The following AFF3 variants were observed in gnomAD, a reference collection of about 807,000 sequenced individuals.
AFF3 encodes the protein ALF transcription elongation factor 3.
AFF3 carries 32 observed loss-of-function variants against 129.7 expected under a neutral mutation model. The observed-to-expected ratio is 0.25, with a 90% confidence interval of 0.19 to 0.33. The LOEUF (loss-of-function observed/expected upper bound fraction) is 0.33, where lower values mean the gene tolerates loss of function less well. Ranked by LOEUF, AFF3 falls within the 10% of genes least tolerant of loss-of-function variation. AFF3 has a pLI of 1.00. For synonymous variants in AFF3, 644 were observed against 635.4 expected, an observed-to-expected ratio of 1.01 and a Z score of -0.20; for missense variants, 1,373 against 1,592.0, an observed-to-expected ratio of 0.86 and a Z score of 2.34.
chr2:100,011,441 G>A, intron 4 of AFF3: 2 of 780,400 alleles, frequency 2.6e-6, no homozygotes, highest in Non-Finnish European at 2.4e-6. Context: ...GCAGGCAGGT[G>A]GTCATTGAGA....
chr2:100,134,548 A>G (rs1215450383), intron 1 of AFF3, among the ~76,000 whole-genome samples: 1 of 152,182 alleles, frequency 6.6e-6, no homozygotes, highest in African/African-American at 2.4e-5. Context: ...TTTATTTGGT[A>G]TCAGGCTTAC....
intron 11 of AFF3, among the ~76,000 whole-genome samples, chr2:99,681,969 C>T (rs1674576166): frequency 6.8e-6 from 1 of 146,160 alleles, no homozygotes; most frequent in African/African-American, 2.6e-5. Context: ...TGCAATGGTG[C>T]ATCTTGGCTC....
At chr2:99,763,345 C>T (rs1682769961) in intron 8 of AFF3, among the ~76,000 whole-genome samples, 1 of 152,152 alleles carries the variant, frequency 6.6e-6, no homozygotes, top group Admixed American at 6.5e-5. Context: ...AACAAACAAA[C>T]CTGTATAGTT....
At chr2:99,564,816 A>G (rs1675813384) in intron 20 of AFF3, among the ~76,000 whole-genome samples, 1 of 152,234 alleles carries the variant, frequency 6.6e-6, no homozygotes, top group African/African-American at 2.4e-5. Context: ...ATTAGACATT[A>G]TGTCAAGCAG....
intron 8 of AFF3, among the ~76,000 whole-genome samples, chr2:99,778,487 C>T (rs552088233): frequency 1.3e-5 from 2 of 152,316 alleles, no homozygotes; most frequent in South Asian, 4.1e-4. Context: ...CCATAACTGG[C>T]TGGGACAATG....
intron 8 of AFF3, among the ~76,000 whole-genome samples, chr2:99,753,955 G>A (rs17351500): frequency 0.021 from 3,182 of 152,238 alleles, 52 homozygotes; most frequent in Non-Finnish European, 0.03. Flanking sequence ...TCAAGTTTGC[G>A]TCCACAGTGG....
At chr2:99,603,301 C>T (rs776145444) in intron 13 of AFF3, among the ~76,000 whole-genome samples, 7 of 152,196 alleles carry the variant, frequency 4.6e-5, no homozygotes, top group Middle Eastern at 3.4e-3. Flanking sequence ...AAAAAAAGGA[C>T]GATTGAATTC....
At chr2:99,745,224 C>T (rs912351283) in intron 9 of AFF3, among the ~76,000 whole-genome samples, 1 of 151,966 alleles carries the variant, frequency 6.6e-6, no homozygotes, top group Non-Finnish European at 1.5e-5. Flanking sequence ...ATTGGTTTGT[C>T]TTTTTGTTGT....
At chr2:99,907,412 T>C (rs908006375) in intron 7 of AFF3, among the ~76,000 whole-genome samples, 2 of 152,188 alleles carry the variant, frequency 1.3e-5, no homozygotes, top group African/African-American at 4.8e-5. Context: ...TATTATTCCT[T>C]AGACACCAGT....
At chr2:99,604,518 T>A (rs1680145077) in intron 13 of AFF3, among the ~76,000 whole-genome samples, 1 of 152,072 alleles carries the variant, frequency 6.6e-6, no homozygotes, top group Non-Finnish European at 1.5e-5. Flanking sequence ...AAATAACTAA[T>A]GGGTACAGGC....
chr2:99,752,250 C>T lies in AFF3; in HGVS notation c.973G>A (p.Glu325Lys). The T allele has an allele frequency of 1.2e-6, 2 of 1,613,952 alleles. No individual in the cohort carries two copies. The highest frequency in any genetic ancestry group is 1.7e-6 in the Non-Finnish European group (2 of 1,179,890). Reference sequence around the variant, plus strand: ...TTTGGAAATGGAAATTTGGTTGGTTCCACTTTGCCAGGTGCTTGAATAGCA... The same window carrying T: ...TTTGGAAATGGAAATTTGGTTGGTTTCACTTTGCCAGGTGCTTGAATAGCA... ...LSAIQAPGKV[E>K]PTKFPFPNKD... is the part of the protein sequence containing the mutation. The change falls in exon 9 of 25, where the codon GAA becomes AAA. Residue 325 changes from glutamate to lysine, a missense_variant. Physicochemically the swap from Glu to Lys is moderately conservative, Grantham distance 56. Coordinates refer to ENST00000672756, the MANE Select transcript of AFF3 (RefSeq NM_001386135.1).
chr2:99,581,897 C>T (rs1677595196), intron 17 of AFF3, among the ~76,000 whole-genome samples: 1 of 149,322 alleles, frequency 6.7e-6, no homozygotes, highest in Non-Finnish European at 1.5e-5. Context: ...CTGTGTCGCC[C>T]AGGCTGGAGT....
At chr2:99,842,714 G>T (rs1232114632) in intron 7 of AFF3, among the ~76,000 whole-genome samples, 1 of 152,164 alleles carries the variant, frequency 6.6e-6, no homozygotes, top group Non-Finnish European at 1.5e-5. Context: ...GAAATGTACA[G>T]AACTATGCTG....
rs536852530 is a variant in AFF3, at chr2:99,889,266, C to A, written c.874-51742G>T. Among the ~76,000 whole-genome samples the A allele has an allele frequency of 6.8e-4, 104 of 152,278 alleles. 1 individual carries two copies. The highest frequency in any genetic ancestry group is 1.0e-3 in the Non-Finnish European group (69 of 68,026). On this transcript the variant is annotated intron_variant, in intron 7 of 24. Coordinates refer to ENST00000672756, the MANE Select transcript of AFF3 (RefSeq NM_001386135.1). Reference sequence around the variant, plus strand: ...GCAATCCTTCAGTCAGTCTCCTGAGCAGCTGAACTACAGGCCTGTGCCATG... The same window carrying A: ...GCAATCCTTCAGTCAGTCTCCTGAGAAGCTGAACTACAGGCCTGTGCCATG...
intron 7 of AFF3, among the ~76,000 whole-genome samples, chr2:99,847,059 ATGAG>A (rs1689782158): frequency 6.6e-6 from 1 of 152,190 alleles, no homozygotes; most frequent in African/African-American, 2.4e-5. Context: ...ACTGGAAAAC[ATGAG>A]TGAGAAACTG....
intron 8 of AFF3, among the ~76,000 whole-genome samples, chr2:99,810,909 T>C (rs1457548975): frequency 2.0e-5 from 3 of 152,174 alleles, no homozygotes. Context: ...TGGACAAGTC[T>C]TTCTGATGCT....
chr2:99,787,743 A>G (rs6705968), intron 8 of AFF3, among the ~76,000 whole-genome samples: 15,326 of 152,054 alleles, frequency 0.1, 2,393 homozygotes, highest in African/African-American at 0.33. Flanking sequence ...ACAAACGAAC[A>G]AACAAACAAA....
rs574991678 is a variant in AFF3, at chr2:99,586,502, T to C, written c.2591+652A>G. Among the ~76,000 whole-genome samples, 3 of 152,326 alleles carry C rather than the reference T, an allele frequency of 2.0e-5. No individual in the cohort carries two copies. The South Asian group carries it at 6.2e-4, about 32-fold the overall frequency. The stretch of plus-strand genomic sequence containing the variant: ...CGGTCAGGGAGGGTGAGGAGTGTCT[T>C]AGAGAGGAAAAGTGGTTTCCGTGCT... On this transcript the variant is annotated intron_variant, in intron 16 of 24. Transcript: ENST00000672756.
chr2:99,650,213 A>C (rs975323684), intron 12 of AFF3, among the ~76,000 whole-genome samples: 1 of 152,216 alleles, frequency 6.6e-6, no homozygotes, highest in Non-Finnish European at 1.5e-5. Context: ...TAAAATTCAC[A>C]TTGAAATGTT....
Sources: gnomAD v4.1 joint callset for allele counts (sites outside exome capture counted in the v4.1 genomes callset) on GRCh38, gnomAD v4.1.1 for gene constraint, MANE v1.5 for transcripts, NCBI Gene and HGNC (gene_info 2026-07-23, HGNC 2026-07-21) for gene names.